Variants in COL6A6 observed in about 807,000 individuals in gnomAD.
COL6A6 encodes collagen type VI alpha 6 chain.
Under a neutral mutation model 208.6 loss-of-function variants are expected in COL6A6, and 183 were observed. The ratio of observed to expected loss-of-function variants is 0.88; its 90% CI spans 0.78 to 0.99. The LOEUF (loss-of-function observed/expected upper bound fraction) is 0.99. Ranked by LOEUF, COL6A6 falls within the 50% of genes least tolerant of loss-of-function variation. COL6A6 has a pLI of 0.00. For synonymous variants in COL6A6, 973 were observed against 1,011.8 expected (o/e 0.96, Z 0.73); for missense variants, 2,816 against 2,815.2 (o/e 1.00, Z -0.01).
chr3:130,634,756 G>A, intron 27 of COL6A6, 131 bp downstream of exon 27: 1 of 627,928 alleles, frequency 1.6e-6, no homozygotes. Context: ...AAGGAGGGAA[G>A]AAAGAAATAG....
In COL6A6 at chr3:130,568,589, T is replaced by C; in HGVS notation, c.2386T>C (p.Cys796Arg). 6.3e-7 allele frequency: 1 copy of C among 1,599,568 alleles called. No homozygotes were observed. ...TGAAGATGATCTTGTTTTTGGAATA[T>C]GCAGCCCCCGTGAAGGTAGGCATGG... ...RIEDDLVFGI[C>R]SPREECKRIE... Residue 796 changes from cysteine (C) to arginine (R), a missense_variant, in exon 6 of 37, where the codon TGC (cysteine) becomes CGC (arginine). Coordinates refer to ENST00000358511, the MANE Select transcript of COL6A6 (RefSeq NM_001102608.3).
At chr3:130,581,933 C>A in intron 9 of COL6A6, 29 bp downstream of exon 9, 1 of 1,593,678 alleles carries the variant, frequency 6.3e-7, no homozygotes, top group Non-Finnish European at 8.6e-7. Flanking sequence ...ATTTGTTGGT[C>A]TATGATTGCA....
At chr3:130,654,192 C>T (rs1055437711) in intron 33 of COL6A6, among the ~76,000 whole-genome samples, 3 of 152,154 alleles carry the variant, frequency 2.0e-5, no homozygotes, top group South Asian at 2.1e-4. Context: ...AAACTTAAAT[C>T]GGAGCCTTCC....
intron 28 of COL6A6, among the ~76,000 whole-genome samples, chr3:130,641,335 C>G (rs1416520948): frequency 6.6e-6 from 1 of 151,832 alleles, no homozygotes; most frequent in East Asian, 1.9e-4. Flanking sequence ...CTGAAAATGT[C>G]CAGAGATATA....
At chr3:130,655,320 C>T (rs1267559418) in intron 33 of COL6A6, among the ~76,000 whole-genome samples, 2 of 152,102 alleles carry the variant, frequency 1.3e-5, no homozygotes, top group African/African-American at 4.8e-5. Flanking sequence ...CTTGTTGAAT[C>T]CAGATGAACC....
intron 7 of COL6A6, among the ~76,000 whole-genome samples, chr3:130,573,563 CTTTT>C (rs55821593): frequency 8.3e-5 from 7 of 84,520 alleles, no homozygotes; most frequent in African/African-American, 1.2e-4. Flanking sequence ...TAGCTGCAAA[CTTTT>C]TTTTTTTTTT....
chr3:130,590,065 A>G (rs2063636882), intron 12 of COL6A6: 1 of 425,218 alleles, frequency 2.4e-6, no homozygotes. Context: ...TATGTGTAGC[A>G]TAAATCTTAA....
intron 24 of COL6A6, among the ~76,000 whole-genome samples, 177 bp downstream of exon 24, chr3:130,622,060 G>A (rs2064736475): frequency 6.6e-6 from 1 of 152,108 alleles, no homozygotes; most frequent in South Asian, 2.1e-4. Flanking sequence ...GGACCTGGAT[G>A]AAATCAGGGA....
At chr3:130,559,738 T>C (rs1440157290) in intron 1 of COL6A6, among the ~76,000 whole-genome samples, 1 of 152,168 alleles carries the variant, frequency 6.6e-6, no homozygotes, top group African/African-American at 2.4e-5. Context: ...CCTCATGCAG[T>C]TCTGGGAAGT....
chr3:130,522,299 A>T (rs1220628967), intron 1 of COL6A6, among the ~76,000 whole-genome samples: 3 of 152,188 alleles, frequency 2.0e-5, no homozygotes, highest in African/African-American at 7.2e-5. Context: ...TTTTTTGGAA[A>T]CTGTCATGGG....
chr3:130,589,310 CCT>C (rs980299185), intron 12 of COL6A6, 128 bp downstream of exon 12: 24 of 580,414 alleles, frequency 4.1e-5, no homozygotes, highest in Middle Eastern at 5.4e-4. Context: ...TTATTATACT[CCT>C]CTTTTTATAT....
chr3:130,573,598 G>A (rs539388210), intron 7 of COL6A6, among the ~76,000 whole-genome samples: 6 of 122,332 alleles, frequency 4.9e-5, no homozygotes, highest in South Asian at 5.1e-4. Flanking sequence ...ACGGGGTCTT[G>A]CTCTGTCACC....
intron 36 of COL6A6, among the ~76,000 whole-genome samples, chr3:130,666,722 A>G (rs945074247): frequency 3.3e-5 from 5 of 152,216 alleles, no homozygotes; most frequent in African/African-American, 9.6e-5. Flanking sequence ...TGAAATGGGA[A>G]GATCTAACCT....
intron 24 of COL6A6, 44 bp from the exon 25 acceptor site, chr3:130,626,438 CCAT>C (rs2064887580): frequency 7.7e-7 from 1 of 1,301,474 alleles, no homozygotes; most frequent in African/African-American, 1.4e-5. Context: ...TGAATTAGTG[CCAT>C]CATTTCCAAT....
intron 1 of COL6A6, among the ~76,000 whole-genome samples, chr3:130,557,993 A>G (rs1248180757): frequency 6.6e-6 from 1 of 152,236 alleles, no homozygotes; most frequent in African/African-American, 2.4e-5. Context: ...AATGCAAAAC[A>G]TATTCAGATT....
At chr3:130,522,135 C>G (rs1711109012) in intron 1 of COL6A6, among the ~76,000 whole-genome samples, 1 of 152,158 alleles carries the variant, frequency 6.6e-6, no homozygotes. Flanking sequence ...CTATAGATGC[C>G]ATTCTAGCCA....
At chr3:130,613,372 G>C (rs1312843045) in intron 23 of COL6A6, among the ~76,000 whole-genome samples, 1 of 152,044 alleles carries the variant, frequency 6.6e-6, no homozygotes, top group Admixed American at 6.6e-5. Flanking sequence ...CATTGGTCTA[G>C]AGTCTGTTTT....
Position 130,649,405 on chromosome 3 carries a change from C to T in COL6A6, c.5576C>T (p.Pro1859Leu), listed in dbSNP as rs1462162670. Residue 1859 changes from proline to leucine, a missense_variant, in exon 33 of 37, where the codon CCG becomes CTG. By Grantham distance (98) the Pro-to-Leu change is moderately conservative. Transcript: ENST00000358511. Reference sequence around the variant, plus strand: ...AGGAATGTCTTCAAGCGGACGCTTCCGGGGGCACACACGAGAAAAATCGCC... The same window carrying T: ...AGGAATGTCTTCAAGCGGACGCTTCTGGGGGCACACACGAGAAAAATCGCC... ...ISRNVFKRTL[P>L]GAHTRKIATF... The T allele has an allele frequency of 1.9e-6, 3 of 1,612,922 alleles. No homozygotes were observed. Among genetic ancestry groups the T allele is most frequent in the Non-Finnish European group, 2.5e-6 (3 of 1,179,514 alleles).
intron 1 of COL6A6, among the ~76,000 whole-genome samples, chr3:130,528,643 T>C (rs1225969391): frequency 1.3e-5 from 2 of 152,188 alleles, no homozygotes; most frequent in Non-Finnish European, 2.9e-5. Context: ...CATAGTTTTC[T>C]GACTCCTGGG....
Sources: allele counts gnomAD v4.1 joint callset (sites outside exome capture counted in the v4.1 genomes callset), GRCh38; gene constraint gnomAD v4.1.1; transcripts MANE v1.5; gene names NCBI Gene and HGNC (gene_info 2026-07-23, HGNC 2026-07-21).